RBFOX1: variants seen among roughly 807,000 people sequenced by gnomAD.
RBFOX1 encodes RNA binding fox-1 homolog 1.
Under a neutral mutation model 57.7 loss-of-function variants are expected in RBFOX1, and 8 were observed. The ratio of observed to expected loss-of-function variants is 0.14; its 90% CI spans 0.08 to 0.25. The LOEUF (loss-of-function observed/expected upper bound fraction) is 0.25. Among genes scored for constraint, RBFOX1 ranks in the 10% least tolerant of loss-of-function variants. The pLI, the probability that RBFOX1 is intolerant of heterozygous loss-of-function variation, is 1.00. For missense variants in RBFOX1, 611 were observed against 548.5 expected, an observed-to-expected ratio of 1.11 and a Z score of -1.14; for synonymous variants, 326 against 222.4, an observed-to-expected ratio of 1.47 and a Z score of -4.15.
chr16:6,067,048 G>C (rs1324684093), intron 1 of RBFOX1, among the ~76,000 whole-genome samples: 7 of 152,164 alleles, frequency 4.6e-5, no homozygotes, highest in Admixed American at 2.0e-4. Flanking sequence ...CAATTTACAA[G>C]TGATCTGAGA....
chr16:5,325,667 T>C (rs753885059), intron 1 of RBFOX1, among the ~76,000 whole-genome samples: 1 of 152,228 alleles, frequency 6.6e-6, no homozygotes, highest in Non-Finnish European at 1.5e-5. Flanking sequence ...GAATGTCCTA[T>C]AAATGAAACC....
chr16:5,430,500 T>G (rs12448876), intron 1 of RBFOX1, among the ~76,000 whole-genome samples: 87,031 of 151,900 alleles, frequency 0.57, 25,065 homozygotes, highest in East Asian at 0.68. Flanking sequence ...GCGTTGGGGT[T>G]GGGGAAGAGC....
In RBFOX1 at chr16:5,806,211, T is replaced by A. The variant is rs78815934; in HGVS notation, c.319-61092T>A. 4.1e-3 allele frequency among the ~76,000 whole-genome samples: 632 copies of A among 152,314 alleles called. 2 individuals carry two copies. The highest frequency in any genetic ancestry group is 8.1e-3 in the Admixed American group (124 of 15,302). ...GAGGGAGGTTTTCTCTATCCATTTG[T>A]GCAGTTATAACAAAATGATGAGACT... On this transcript the variant is annotated intron_variant, in intron 3 of 19. Transcript: ENST00000641259.
intron 3 of RBFOX1, among the ~76,000 whole-genome samples, chr16:6,801,370 A>G (rs1190498892): frequency 6.6e-6 from 1 of 152,154 alleles, no homozygotes; most frequent in African/African-American, 2.4e-5. Context: ...TTTAAGGTGT[A>G]ATTGCATCTA....
At chr16:5,275,984 G>T (rs958946266) in intron 1 of RBFOX1, among the ~76,000 whole-genome samples, 3 of 152,180 alleles carry the variant, frequency 2.0e-5, no homozygotes, top group Non-Finnish European at 2.9e-5. Flanking sequence ...CAAGCCACAT[G>T]TAAAAGAATA....
intron 4 of RBFOX1, among the ~76,000 whole-genome samples, chr16:7,470,246 C>G (rs2061324752): frequency 6.6e-6 from 1 of 152,224 alleles, no homozygotes; most frequent in Non-Finnish European, 1.5e-5. Context: ...ATTTCTGTGT[C>G]TGCCTCTCAC....
intron 5 of RBFOX1, among the ~76,000 whole-genome samples, chr16:7,556,057 A>G (rs936820791): frequency 2.0e-5 from 3 of 152,210 alleles, no homozygotes; most frequent in African/African-American, 7.2e-5. Context: ...ATTTTATACT[A>G]CAAGAAAGTA....
At chr16:5,332,544 G>A (rs1476886598) in intron 1 of RBFOX1, among the ~76,000 whole-genome samples, 4 of 152,116 alleles carry the variant, frequency 2.6e-5, no homozygotes, top group African/African-American at 9.6e-5. Context: ...GATTACAGGT[G>A]TAAGTCACTG....
chr16:7,111,499 A>T (rs886656770), intron 4 of RBFOX1, among the ~76,000 whole-genome samples: 1 of 152,168 alleles, frequency 6.6e-6, no homozygotes, highest in Admixed American at 6.6e-5. Context: ...TGTGGAATAC[A>T]GTTCTGCTGT....
At chr16:5,979,005 C>T (rs1296493893) in intron 4 of RBFOX1, among the ~76,000 whole-genome samples, 1 of 152,234 alleles carries the variant, frequency 6.6e-6, no homozygotes, top group African/African-American at 2.4e-5. Flanking sequence ...AAGAAAGTTA[C>T]TAGGCCTAGG....
intron 1 of RBFOX1, among the ~76,000 whole-genome samples, chr16:5,344,445 C>T (rs138251967): frequency 6.6e-6 from 1 of 152,184 alleles, no homozygotes; most frequent in African/African-American, 2.4e-5. Flanking sequence ...AATTGAATTA[C>T]ACTCACTGGA....
intron 4 of RBFOX1, among the ~76,000 whole-genome samples, chr16:7,367,595 CT>C (rs2097480457): frequency 6.6e-6 from 1 of 152,190 alleles, no homozygotes; most frequent in South Asian, 2.1e-4. Flanking sequence ...ACAATAGTCT[CT>C]AACTCCAGAC....
At chr16:5,796,103 G>C (rs1003381702) in intron 3 of RBFOX1, among the ~76,000 whole-genome samples, 1 of 152,170 alleles carries the variant, frequency 6.6e-6, no homozygotes, top group African/African-American at 2.4e-5. Context: ...ACTTTGTGAA[G>C]GCATGGTTGA....
At chr16:5,667,390 C>G (rs927976882) in intron 3 of RBFOX1, among the ~76,000 whole-genome samples, 1 of 152,088 alleles carries the variant, frequency 6.6e-6, no homozygotes, top group Non-Finnish European at 1.5e-5. Flanking sequence ...CCATTTGGTT[C>G]TACATTGTTT....
At chr16:7,094,771 T>TGTGTGTGTGTGG (rs945776849) in intron 4 of RBFOX1, among the ~76,000 whole-genome samples, 50 of 140,962 alleles carry the variant, frequency 3.5e-4, no homozygotes, top group African/African-American at 8.7e-4. Context: ...TGTGTGTGTG[T>TGTGTGTGTGTGG]GTGTGGGTGT....
rs1170936027 is a variant in RBFOX1 at position 7,062,893 on chromosome 16, A to ATTTTTTTTTTTTTTT, written c.27+10816_27+10830dup. 6.1e-4 allele frequency among the ~76,000 whole-genome samples: 29 copies of ATTTTTTTTTTTTTTT among 47,270 alleles called. 1 individual carries two copies. Among genetic ancestry groups the ATTTTTTTTTTTTTTT allele is most frequent in the Admixed American group, 9.1e-4 (3 of 3,286 alleles). The allele number at this position is 47,270 out of a possible 152,430, so 31.0% of individuals were successfully genotyped here. A position where few individuals can be genotyped will look rare whatever the true frequency, so the allele number is the denominator to read the frequency against. On this transcript the variant is annotated intron_variant, in intron 4 of 15. Transcript: ENST00000550418. ...ACCTCATCTCATTCAAATGATCGCC[A>ATTTTTTTTTTTTTTT]TTTTTTTTTTTTTTTTTTTTTTTTT...
intron 4 of RBFOX1, among the ~76,000 whole-genome samples, chr16:7,438,042 T>C (rs912146246): frequency 1.3e-5 from 2 of 152,208 alleles, no homozygotes; most frequent in Non-Finnish European, 2.9e-5. Context: ...TTGATGTGCG[T>C]CTCATTGTAT....
intron 4 of RBFOX1, among the ~76,000 whole-genome samples, chr16:7,395,668 A>G (rs1055855916): frequency 1.4e-4 from 21 of 152,210 alleles, no homozygotes; most frequent in African/African-American, 5.1e-4. Context: ...CTTATGCAGT[A>G]CAGTTATTAA....
At chr16:7,213,414 G>T (rs1275809970) in intron 4 of RBFOX1, among the ~76,000 whole-genome samples, 1 of 152,160 alleles carries the variant, frequency 6.6e-6, no homozygotes, top group Non-Finnish European at 1.5e-5. Context: ...CCAGAGTTGA[G>T]AACCATTGCC....
Sources: allele counts gnomAD v4.1 joint callset (sites outside exome capture counted in the v4.1 genomes callset), GRCh38; gene constraint gnomAD v4.1.1; transcripts MANE v1.5; gene names NCBI Gene and HGNC (gene_info 2026-07-23, HGNC 2026-07-21).